The following DAAM2 variants were observed in gnomAD, a reference collection of about 807,000 sequenced individuals.
DAAM2 encodes the protein dishevelled associated activator of morphogenesis 2.
In DAAM2, 39 loss-of-function variants were observed where a neutral mutation model predicts 120.7. That is an observed-to-expected ratio of 0.32 (90% CI 0.25 to 0.42). The LOEUF (loss-of-function observed/expected upper bound fraction) is 0.42, where lower values mean the gene tolerates loss of function less well. DAAM2 is among the 10% of genes least tolerant of loss of function. DAAM2 has a pLI of 1.00. For synonymous variants in DAAM2, 488 were observed against 524.9 expected (o/e 0.93, Z 0.96); for missense variants, 1,283 against 1,401.7 (o/e 0.92, Z 1.35).
intron 1 of DAAM2, among the ~76,000 whole-genome samples, chr6:39,798,164 T>A (rs1402308932): frequency 2.6e-5 from 4 of 152,248 alleles, no homozygotes; most frequent in Non-Finnish European, 5.9e-5. Context: ...AGGTCATTAC[T>A]GCATGGTTGT....
intron 22 of DAAM2, 77 bp downstream of exon 22, chr6:39,899,014 T>G: frequency 2.7e-5 from 31 of 1,138,906 alleles, no homozygotes; most frequent in Non-Finnish European, 3.5e-5. Context: ...CCTAAGCTCC[T>G]ACACAGGGGC....
intron 1 of DAAM2, among the ~76,000 whole-genome samples, chr6:39,845,959 C>T (rs1002685898): frequency 1.3e-5 from 2 of 152,040 alleles, no homozygotes; most frequent in African/African-American, 4.8e-5. Flanking sequence ...GAGCTGTTTG[C>T]AGGGTGGCTA....
intron 1 of DAAM2, among the ~76,000 whole-genome samples, chr6:39,823,857 C>G (rs1762573964): frequency 6.6e-6 from 1 of 152,130 alleles, no homozygotes; most frequent in Admixed American, 6.5e-5. Flanking sequence ...ACTGAGGACC[C>G]CTGCCTCTCC....
rs1233103251 is a variant in DAAM2, at chr6:39,901,742, G to C, written c.2983-71G>C. 7.2e-7 allele frequency: 1 copy of C among 1,381,240 alleles called. No individual in the cohort carries two copies. Among genetic ancestry groups the C allele is most frequent in the East Asian group, 2.4e-5 (1 of 41,212 alleles). 85.6% of individuals were successfully genotyped at this position (1,381,240 alleles called of 1,614,324 possible). A position where few individuals can be genotyped will look rare whatever the true frequency, so the allele number is the denominator to read the frequency against. ...TGACCATGGCCTAGGAGTTAGCCCAGGGTTGGGGGGCTGCCCTGGCCTCAG... is the reference window on the plus strand; with the variant it reads ...TGACCATGGCCTAGGAGTTAGCCCACGGTTGGGGGGCTGCCCTGGCCTCAG... On this transcript the variant is annotated intron_variant, in intron 24 of 24. Transcript: ENST00000274867. The surrounding 1 kb of genome is among the most constrained non-coding windows in gnomAD (Gnocchi z 4.5).
At chr6:39,847,129 A>G (rs1763626992) in intron 1 of DAAM2, among the ~76,000 whole-genome samples, 1 of 152,200 alleles carries the variant, frequency 6.6e-6, no homozygotes, top group South Asian at 2.1e-4. Flanking sequence ...AGGTGGGGCC[A>G]TGTGCACAGG....
chr6:39,895,252 T>TTATTTATTTATC (rs1766005474), intron 19 of DAAM2, among the ~76,000 whole-genome samples: 2 of 152,006 alleles, frequency 1.3e-5, no homozygotes, highest in Non-Finnish European at 2.9e-5. Context: ...ATTTATTTAT[T>TTATTTATTTATC]TGAGACGGAG....
In DAAM2 at chr6:39,878,060, A is replaced by G; in HGVS notation, c.1302-143A>G. The G allele has an allele frequency of 1.3e-6, 1 of 762,006 alleles. No individual in the cohort carries two copies. The highest frequency in any genetic ancestry group is 2.8e-4 in the Middle Eastern group (1 of 3,512). 47.2% of individuals were successfully genotyped at this position (762,006 alleles called of 1,614,324 possible). On this transcript the variant is annotated intron_variant, in intron 11 of 24. Coordinates refer to ENST00000274867, the MANE Select transcript of DAAM2 (RefSeq NM_001201427.2). The surrounding 1 kb of genome is among the most constrained non-coding windows in gnomAD (Gnocchi z 5.0). ...AGGGGACCTGGAGAGACACCTGGGAAGTCTAAATCCTAGCCCCCTTGATGT... is the reference window on the plus strand; with the variant it reads ...AGGGGACCTGGAGAGACACCTGGGAGGTCTAAATCCTAGCCCCCTTGATGT...
chr6:39,904,544 A>G lies in DAAM2; in HGVS notation c.*2507A>G, dbSNP rs574394189. The G allele has an allele frequency of 2.2e-6, 1 of 454,184 alleles. No individual in the cohort carries two copies. Among genetic ancestry groups the G allele is most frequent in the East Asian group, 7.0e-5 (1 of 14,350 alleles). The allele number at this position is 454,184 out of a possible 1,614,324, so 28.1% of individuals were successfully genotyped here. A position where few individuals can be genotyped will look rare whatever the true frequency, so the allele number is the denominator to read the frequency against. On this transcript the variant is annotated 3_prime_UTR_variant, in exon 25 of 25. Transcript: ENST00000274867. ...AAAATTCGTCATCAACCTAACAAAC[A>G]CAACCTTCTCAGCAGCATTTCTCCC...
At chr6:39,882,522 T>C (rs2504800) in intron 14 of DAAM2, among the ~76,000 whole-genome samples, 95,211 of 151,738 alleles carry the variant, frequency 0.63, 29,929 homozygotes, top group Middle Eastern at 0.7. Flanking sequence ...TCCACGTTGG[T>C]CCTAGCTGCA....
chr6:39,808,998 G>A (rs902713273), intron 1 of DAAM2, among the ~76,000 whole-genome samples: 16 of 152,256 alleles, frequency 1.1e-4, no homozygotes, highest in African/African-American at 3.9e-4. Flanking sequence ...CAGGCAGGAA[G>A]CAGTTGGCAC....
intron 1 of DAAM2, among the ~76,000 whole-genome samples, chr6:39,832,938 G>A (rs1487928160): frequency 1.3e-5 from 2 of 152,134 alleles, no homozygotes; most frequent in African/African-American, 4.8e-5. Context: ...CCCACTCCTG[G>A]AGGGCCCAGG....
rs138497891 is a variant in DAAM2, at chr6:39,894,001, A to G, written c.2341+2279A>G. Among the ~76,000 whole-genome samples, 10 of 152,314 alleles carry G rather than the reference A, an allele frequency of 6.6e-5. No individual in the cohort carries two copies. In the East Asian group the frequency reaches 1.7e-3, roughly 26 times the overall value. ...CAAATTTACCAGTTCTTCTATGAAT[A>G]TATTCATGAACTTACAATTCTTGAA... On this transcript the variant is annotated intron_variant, in intron 19 of 24. Transcript: ENST00000274867.
intron 1 of DAAM2, among the ~76,000 whole-genome samples, chr6:39,836,816 T>A (rs1456691510): frequency 6.6e-6 from 1 of 152,184 alleles, no homozygotes; most frequent in East Asian, 1.9e-4. Flanking sequence ...CTATTCTATT[T>A]ACTAGCTCCG....
At chr6:39,828,570 C>CT (rs1430820441) in intron 1 of DAAM2, among the ~76,000 whole-genome samples, 50 of 142,566 alleles carry the variant, frequency 3.5e-4, no homozygotes, top group Middle Eastern at 3.7e-3. Context: ...CCCCCTCCGT[C>CT]TTTTTTTTTT....
chr6:39,804,522 CTG>C (rs10688621), intron 1 of DAAM2, among the ~76,000 whole-genome samples: 8,615 of 149,376 alleles, frequency 0.058, 327 homozygotes, highest in South Asian at 0.15. Context: ...GAGATCAGTT[CTG>C]TGTGTGTGTG....
In DAAM2 at chr6:39,901,507, G is replaced by C; in HGVS notation, c.2982+35G>C. On this transcript the variant is annotated intron_variant, in intron 24 of 24. Coordinates refer to ENST00000274867, the MANE Select transcript of DAAM2 (RefSeq NM_001201427.2). The surrounding 1 kb of genome is among the most constrained non-coding windows in gnomAD (Gnocchi z 4.5). ...AGTGCCAGGCCTGGGACTGAGGGGA[G>C]ACGGGTGCTACTTGGGGAGAACACC... 1 of 1,584,778 alleles carries C rather than the reference G, an allele frequency of 6.3e-7. No homozygotes were observed. Among genetic ancestry groups the C allele is most frequent in the Non-Finnish European group, 8.5e-7 (1 of 1,170,850 alleles).
chr6:39,840,771 G>A (rs78253027), intron 1 of DAAM2, among the ~76,000 whole-genome samples: 2,802 of 152,192 alleles, frequency 0.018, 116 homozygotes, highest in East Asian at 0.17. Context: ...TGAGCACCAG[G>A]GTTCCCATTA....
rs549473617 is a variant in DAAM2, at chr6:39,870,216, C to T, written c.874-124C>T. ...TGGAACTCTGGGATTGGAAGCAGCT[C>T]CAGGTGAGTTAGCTGTGGGAGATGT... On this transcript the variant is annotated intron_variant, in intron 7 of 24. Transcript: ENST00000274867. 5 of 647,774 alleles carry T rather than the reference C, an allele frequency of 7.7e-6. No homozygotes were observed. The East Asian group carries it at 1.1e-4, about 14-fold the overall frequency. The allele number at this position is 647,774 out of a possible 1,614,324, so 40.1% of individuals were successfully genotyped here. A position where few individuals can be genotyped will look rare whatever the true frequency, so the allele number is the denominator to read the frequency against.
intron 7 of DAAM2, among the ~76,000 whole-genome samples, chr6:39,869,182 G>A (rs1214593435): frequency 1.3e-5 from 2 of 152,118 alleles, no homozygotes; most frequent in African/African-American, 4.8e-5. Flanking sequence ...ATGGAGAGCT[G>A]TTTCTGGACT....
Sources: gnomAD v4.1 joint callset for allele counts (sites outside exome capture counted in the v4.1 genomes callset) on GRCh38, gnomAD v4.1.1 for gene constraint, Gnocchi (gnomAD v3.1) non-coding constraint, MANE v1.5 for transcripts, NCBI Gene and HGNC (gene_info 2026-07-23, HGNC 2026-07-21) for gene names.